Variants in GALNT13 observed in about 807,000 individuals in gnomAD.
GALNT13 encodes UDP-GalNAc:polypeptide N-acetylgalactosaminyltransferase 13.
In GALNT13, 28 loss-of-function variants were observed where a neutral mutation model predicts 64.2. The observed-to-expected ratio is 0.44, with a 90% confidence interval of 0.32 to 0.60. The LOEUF (loss-of-function observed/expected upper bound fraction) is 0.60, where lower values mean the gene tolerates loss of function less well. GALNT13 is among the 20% of genes least tolerant of loss of function. The probability of loss-of-function intolerance (pLI) is 0.05; values close to 1 mark genes in which losing one functional copy is unlikely to be tolerated. For missense variants in GALNT13, 577 were observed against 669.8 expected, an observed-to-expected ratio of 0.86 and a Z score of 1.53; for synonymous variants, 214 against 224.6, an observed-to-expected ratio of 0.95 and a Z score of 0.42.
the GALNT13 span, among the ~76,000 whole-genome samples, chr2:153,162,037 C>T: frequency 6.6e-6 from 1 of 152,108 alleles, no homozygotes; most frequent in Non-Finnish European, 1.5e-5. Flanking sequence ...TATCTGAAGG[C>T]GTGAATGCAC....
At position 154,257,393 on chromosome 2, in the gene GALNT13, G is replaced by A. The variant is rs1051014457; in HGVS notation, c.858-1628G>A. Among the ~76,000 whole-genome samples the A allele has an allele frequency of 2.0e-5, 3 of 152,090 alleles. No homozygotes were observed. The East Asian group carries it at 5.8e-4, about 29-fold the overall frequency. On this transcript the variant is annotated intron_variant, in intron 7 of 12. Coordinates refer to ENST00000392825, the MANE Select transcript of GALNT13 (RefSeq NM_052917.4). ...TAAGCATTTGGTTACATTATGATAG[G>A]ATAATTGCAGCAATTTTGGTTCCTA...
chr2:154,136,063 A>G (rs916654696), intron 3 of GALNT13, among the ~76,000 whole-genome samples: 2 of 152,222 alleles, frequency 1.3e-5, no homozygotes, highest in African/African-American at 4.8e-5. Context: ...TATTGGTAGC[A>G]GAGTATGAAT....
At chr2:154,372,306 A>G (rs1016575461) in intron 9 of GALNT13, among the ~76,000 whole-genome samples, 1 of 150,928 alleles carries the variant, frequency 6.6e-6, no homozygotes, top group Non-Finnish European at 1.5e-5. Flanking sequence ...TGTAATCCAA[A>G]GAAGTCAAGA....
the GALNT13 span, among the ~76,000 whole-genome samples, chr2:153,198,398 C>T: frequency 3.9e-5 from 6 of 152,176 alleles, no homozygotes; most frequent in East Asian, 1.9e-4. Flanking sequence ...TTCCCTGCAC[C>T]GAGGAGCTGC....
the GALNT13 span, among the ~76,000 whole-genome samples, chr2:153,734,885 T>C: frequency 6.6e-6 from 1 of 152,198 alleles, no homozygotes; most frequent in Admixed American, 6.5e-5. Flanking sequence ...TACCAGCTTT[T>C]GCATTTTGGA....
At chr2:153,845,371 C>T in the GALNT13 span, among the ~76,000 whole-genome samples, 1 of 152,064 alleles carries the variant, frequency 6.6e-6, no homozygotes, top group Admixed American at 6.6e-5. Context: ...GGGGAGCAGG[C>T]ACATCACATG....
chr2:153,749,432 T>G, the GALNT13 span, among the ~76,000 whole-genome samples: 1 of 152,068 alleles, frequency 6.6e-6, no homozygotes, highest in African/African-American at 2.4e-5. Flanking sequence ...TTGCGTAGTA[T>G]GGACATTTTA....
chr2:154,396,137 A>G lies in GALNT13; in HGVS notation c.1296+7A>G. The G allele has an allele frequency of 6.4e-7, 1 of 1,573,446 alleles. No homozygotes were observed. Among genetic ancestry groups the G allele is most frequent in the South Asian group, 1.2e-5 (1 of 83,708 alleles). On this transcript the variant is annotated splice_region_variant and intron_variant, in intron 10 of 12. Transcript: ENST00000392825. The stretch of plus-strand genomic sequence containing the variant: ...TTATTACTCACTTGGTGAGGTATGA[A>G]TTATTTATTTTGGTTAAGTTATAAA...
chr2:153,131,371 T>A, the GALNT13 span, among the ~76,000 whole-genome samples: 8 of 152,140 alleles, frequency 5.3e-5, 1 homozygote, highest in South Asian at 1.7e-3. Context: ...GGATTATGAG[T>A]AAATTGATGG....
chr2:153,514,003 C>G, the GALNT13 span, among the ~76,000 whole-genome samples: 1 of 152,122 alleles, frequency 6.6e-6, no homozygotes, highest in African/African-American at 2.4e-5. Flanking sequence ...GTCTCAAGCT[C>G]TATTTTCTAG....
chr2:153,814,457 GTAAGTAAGTAAA>G, the GALNT13 span, among the ~76,000 whole-genome samples: 1 of 72,880 alleles, frequency 1.4e-5, no homozygotes, highest in Non-Finnish European at 3.3e-5. Flanking sequence ...AAATAAGTAA[GTAAGTAAGTAAA>G]TAAATAAATA....
chr2:153,365,186 C>T, the GALNT13 span, among the ~76,000 whole-genome samples: 31 of 152,062 alleles, frequency 2.0e-4, no homozygotes, highest in East Asian at 7.7e-4. Flanking sequence ...ACTGGCTAGC[C>T]GTATGCAGAA....
At chr2:153,772,703 T>C in the GALNT13 span, among the ~76,000 whole-genome samples, 1 of 152,228 alleles carries the variant, frequency 6.6e-6, no homozygotes. Flanking sequence ...TGTGATCTCC[T>C]GATCCCTTAT....
At chr2:153,976,640 G>C (rs1398462968) in intron 3 of GALNT13, among the ~76,000 whole-genome samples, 1 of 152,074 alleles carries the variant, frequency 6.6e-6, no homozygotes, top group Non-Finnish European at 1.5e-5. Flanking sequence ...TGAGGTAATA[G>C]CTCATTTTGG....
the GALNT13 span, among the ~76,000 whole-genome samples, chr2:153,235,920 TCTTGTGC>T: frequency 6.6e-6 from 1 of 152,178 alleles, no homozygotes; most frequent in Non-Finnish European, 1.5e-5. Flanking sequence ...AAGCTAGGCC[TCTTGTGC>T]CAAGCAGTCA....
intron 2 of GALNT13, among the ~76,000 whole-genome samples, chr2:153,937,276 T>G (rs963391926): frequency 6.6e-6 from 1 of 152,226 alleles, no homozygotes; most frequent in Non-Finnish European, 1.5e-5. Flanking sequence ...TGTGTATAGC[T>G]ATACAATGGA....
the GALNT13 span, among the ~76,000 whole-genome samples, chr2:153,122,835 A>G: frequency 6.6e-6 from 1 of 152,092 alleles, no homozygotes; most frequent in Non-Finnish European, 1.5e-5. Flanking sequence ...CCAAAAATAT[A>G]TTAAGTCCTA....
chr2:153,988,050 G>T (rs1694911944), intron 3 of GALNT13, among the ~76,000 whole-genome samples: 1 of 143,034 alleles, frequency 7.0e-6, no homozygotes, highest in Non-Finnish European at 1.6e-5. Context: ...TTGAGGGTAG[G>T]AGGTGACATA....
At chr2:153,366,448 A>G in the GALNT13 span, among the ~76,000 whole-genome samples, 1 of 152,066 alleles carries the variant, frequency 6.6e-6, no homozygotes, top group African/African-American at 2.4e-5. Flanking sequence ...AAAGAAGGAC[A>G]ACAGAAATTA....
Sources: gnomAD v4.1 joint callset for allele counts (sites outside exome capture counted in the v4.1 genomes callset) on GRCh38, gnomAD v4.1.1 for gene constraint, MANE v1.5 for transcripts, NCBI Gene and HGNC (gene_info 2026-07-23, HGNC 2026-07-21) for gene names.